G3BP2: variants seen among roughly 807,000 people sequenced by gnomAD.
G3BP2 encodes G3BP stress granule assembly factor 2, also known as ras GTPase-activating protein-binding protein 2.
In G3BP2, 11 loss-of-function variants were observed where a neutral mutation model predicts 56.7. The observed-to-expected ratio is 0.19, with a 90% CI of 0.12 to 0.32. G3BP2 has a LOEUF of 0.32. Ranked by LOEUF, G3BP2 falls within the 10% of genes least tolerant of loss-of-function variation. The probability of loss-of-function intolerance (pLI) is 1.00; values close to 1 mark genes in which losing one functional copy is unlikely to be tolerated. For synonymous variants in G3BP2, 165 were observed against 191.6 expected, an observed-to-expected ratio of 0.86 and a Z score of 1.15; for missense variants, 340 against 610.9, an observed-to-expected ratio of 0.56 and a Z score of 4.67.
chr4:75,662,396 A>ATT (rs1433250018), intron 1 of G3BP2: 1 of 164,166 alleles, frequency 6.1e-6, no homozygotes, highest in African/African-American at 2.4e-5. Flanking sequence ...CTAATTATGT[A>ATT]TTTTTAGTAG....
upstream of G3BP2, among the ~76,000 whole-genome samples, chr4:75,677,276 G>A (rs935706445): frequency 6.6e-6 from 1 of 152,004 alleles, no homozygotes; most frequent in Non-Finnish European, 1.5e-5. Flanking sequence ...AGGTGTATAC[G>A]AGATGACTAC....
intron 4 of G3BP2, among the ~76,000 whole-genome samples, 193 bp from the exon 5 acceptor site, chr4:75,657,207 G>T (rs1031530932): frequency 1.3e-5 from 2 of 151,998 alleles, no homozygotes; most frequent in Non-Finnish European, 2.9e-5. Flanking sequence ...AGCAAAACTC[G>T]CAATTACTTT....
chr4:75,667,977 A>T (rs1262962764), intron 1 of G3BP2, among the ~76,000 whole-genome samples: 2 of 152,214 alleles, frequency 1.3e-5, no homozygotes, highest in African/African-American at 4.8e-5. Context: ...AATCCCAGTG[A>T]ATCTTCATCA....
chr4:75,648,564 A>G, intron 9 of G3BP2, 75 bp downstream of exon 9: 1 of 750,778 alleles, frequency 1.3e-6, no homozygotes, highest in Non-Finnish European at 2.4e-6. Flanking sequence ...AACGCATCAT[A>G]GTTTTTTGTT....
intron 3 of G3BP2, among the ~76,000 whole-genome samples, chr4:75,713,736 C>G (rs1719834832): frequency 6.6e-6 from 1 of 152,142 alleles, no homozygotes; most frequent in Non-Finnish European, 1.5e-5. Context: ...TCACAGTGAG[C>G]TATGAATGGG....
chr4:75,666,520 C>T (rs1173788281), intron 1 of G3BP2, among the ~76,000 whole-genome samples: 1 of 152,108 alleles, frequency 6.6e-6, no homozygotes, highest in African/African-American at 2.4e-5. Context: ...TGAAGTGACT[C>T]AGAATTTAGA....
At chr4:75,723,763 T>C (rs1406540126) in intron 1 of G3BP2, among the ~76,000 whole-genome samples, 1 of 152,142 alleles carries the variant, frequency 6.6e-6, no homozygotes, top group Non-Finnish European at 1.5e-5. Flanking sequence ...GAGAGGTGCA[T>C]GAGTCAGTTA....
At chr4:75,670,812 T>C (rs1733424106) in intron 1 of G3BP2, among the ~76,000 whole-genome samples, 1 of 150,384 alleles carries the variant, frequency 6.6e-6, no homozygotes, top group Admixed American at 6.6e-5. Flanking sequence ...ACTCAACTGA[T>C]GTTTTCATTA....
intron 1 of G3BP2, among the ~76,000 whole-genome samples, chr4:75,668,940 T>C (rs1199866758): frequency 1.3e-5 from 2 of 152,118 alleles, no homozygotes; most frequent in African/African-American, 4.8e-5. Context: ...CATCTTCTAT[T>C]CCCCTCTCAA....
chr4:75,653,219 C>T (rs1392552161), intron 8 of G3BP2, among the ~76,000 whole-genome samples: 1 of 151,802 alleles, frequency 6.6e-6, no homozygotes, highest in Non-Finnish European at 1.5e-5. Flanking sequence ...CTGCTTAGAA[C>T]ATATAAAAGA....
At chr4:75,682,784 ATC>A (rs1734130756) in intron 3 of G3BP2, among the ~76,000 whole-genome samples, 3 of 152,066 alleles carry the variant, frequency 2.0e-5, no homozygotes, top group African/African-American at 7.2e-5. Flanking sequence ...GATCGAGACC[ATC>A]CTGGCCAACA....
At chr4:75,721,284 C>A (rs945950258) in intron 2 of G3BP2, among the ~76,000 whole-genome samples, 1 of 150,208 alleles carries the variant, frequency 6.7e-6, no homozygotes, top group African/African-American at 2.5e-5. Flanking sequence ...GGTCTCACTC[C>A]ATCCTCCCAG....
Position 75,714,272 on chromosome 4 carries a change from A to G in G3BP2, c.-25+6605T>C, listed in dbSNP as rs562174567. On this transcript the variant is annotated intron_variant, in intron 3 of 3. Coordinates refer to the G3BP2 transcript ENST00000499709. ...TAGACACTGAAGTATTTAGGTGGTC[A>G]AGTGACATCATGCCTACAAATTCCT... Among the ~76,000 whole-genome samples the G allele has an allele frequency of 1.2e-4, 19 of 152,354 alleles. No homozygotes were observed. The South Asian group carries it at 3.1e-3, about 25-fold the overall frequency.
intron 3 of G3BP2, among the ~76,000 whole-genome samples, chr4:75,711,751 AGAAT>A (rs1719767861): frequency 6.6e-6 from 1 of 152,042 alleles, no homozygotes; most frequent in Non-Finnish European, 1.5e-5. Context: ...AAGGAAAGGA[AGAAT>A]GAAAGGGAAG....
At chr4:75,698,490 T>C (rs1356838567) in intron 3 of G3BP2, among the ~76,000 whole-genome samples, 1 of 152,144 alleles carries the variant, frequency 6.6e-6, no homozygotes, top group Non-Finnish European at 1.5e-5. Flanking sequence ...AATTCTTGCC[T>C]ACTGACTTCC....
rs1429269695 is a variant in G3BP2, at chr4:75,645,496, T to C, written c.1383A>G (p.Ala461=). ...GRGPPPRGGM[A]QKLGSGRGTG... ...TTCCTCTTCCAGAGCCAAGTTTCTG[T>C]GCCATGCCACCCCTTGGAGGAGGTC... Residue 461 remains alanine, a synonymous_variant, in exon 12 of 12, where the codon GCA becomes GCG. Coordinates refer to ENST00000359707, the MANE Select transcript of G3BP2 (RefSeq NM_203505.3). 1.2e-6 allele frequency: 2 copies of C among 1,614,092 alleles called. No individual in the cohort carries two copies. The highest frequency in any genetic ancestry group is 3.3e-5 in the Admixed American group (2 of 60,012).
intron 9 of G3BP2, 81 bp downstream of exon 9, chr4:75,648,558 C>T (rs1731419143): frequency 5.6e-6 from 4 of 713,884 alleles, no homozygotes; most frequent in Admixed American, 2.2e-5. Flanking sequence ...GTATAGAACG[C>T]ATCATAGTTT....
At chr4:75,674,325 C>G (rs1467432960), upstream of G3BP2, among the ~76,000 whole-genome samples, 4 of 152,164 alleles carry the variant, frequency 2.6e-5, no homozygotes, top group Non-Finnish European at 5.9e-5. Flanking sequence ...ACGAACTAAA[C>G]ATGGTGGACG....
chr4:75,655,013 G>T, intron 7 of G3BP2, 53 bp downstream of exon 7: 2 of 1,208,170 alleles, frequency 1.7e-6, no homozygotes, highest in Non-Finnish European at 2.4e-6. Flanking sequence ...TTCATTAACA[G>T]CACCAAATTT....
Sources: gnomAD v4.1 joint callset for allele counts (sites outside exome capture counted in the v4.1 genomes callset) on GRCh38, gnomAD v4.1.1 for gene constraint, MANE v1.5 for transcripts, NCBI Gene and HGNC (gene_info 2026-07-23, HGNC 2026-07-21) for gene names.